The following NLN variants were observed in gnomAD, a reference collection of about 807,000 sequenced individuals.
The protein encoded by NLN is neurolysin, mitochondrial.
In NLN, 64 loss-of-function variants were observed where a neutral mutation model predicts 79.9. The ratio of observed to expected loss-of-function variants is 0.80; its 90% CI spans 0.65 to 0.99. The LOEUF is 0.99. Ranked by LOEUF, NLN falls within the 50% of genes least tolerant of loss-of-function variation. The pLI is 0.00. For missense variants in NLN, 835 were observed against 858.7 expected (o/e 0.97, Z 0.34); for synonymous variants, 267 against 296.6 (o/e 0.90, Z 1.02).
At chr5:65,730,505 G>A (rs900197151) in intron 1 of NLN, among the ~76,000 whole-genome samples, 9 of 151,774 alleles carry the variant, frequency 5.9e-5, no homozygotes, top group African/African-American at 2.2e-4. Context: ...AGATGAGACA[G>A]GGAAAAATTG....
intron 3 of NLN, among the ~76,000 whole-genome samples, chr5:65,776,062 G>A (rs1759672787): frequency 6.6e-6 from 1 of 152,140 alleles, no homozygotes; most frequent in African/African-American, 2.4e-5. Context: ...AGACCATCCT[G>A]GCCAACATGG....
intron 9 of NLN, among the ~76,000 whole-genome samples, chr5:65,803,683 G>A (rs931072467): frequency 6.6e-6 from 1 of 152,040 alleles, no homozygotes; most frequent in Non-Finnish European, 1.5e-5. Flanking sequence ...CTGTGCCCAG[G>A]AGGGTAGGGC....
chr5:65,808,623 C>T (rs1760475110), intron 9 of NLN, among the ~76,000 whole-genome samples: 1 of 152,212 alleles, frequency 6.6e-6, no homozygotes, highest in Admixed American at 6.5e-5. Context: ...ACGTCTGACT[C>T]AAGAATTTAC....
At chr5:65,785,297 C>T (rs1759893917) in intron 6 of NLN, among the ~76,000 whole-genome samples, 1 of 152,124 alleles carries the variant, frequency 6.6e-6, no homozygotes, top group African/African-American at 2.4e-5. Flanking sequence ...TGCAAGGGTT[C>T]CAATTTCTCC....
rs1224823883 is a variant in NLN at position 65,761,591 on chromosome 5, C to G, written c.302-1369C>G. 3.3e-5 allele frequency among the ~76,000 whole-genome samples: 5 copies of G among 152,260 alleles called. No homozygotes were observed. In the East Asian group the frequency reaches 9.6e-4, roughly 29 times the overall value. ...ATGAGCTTGAGCCACCGTTTTATAG[C>G]TAATTTTTAAAAGTAAACATATTGC... is the stretch of plus-strand genomic sequence containing the variant. On this transcript the variant is annotated intron_variant, in intron 2 of 12. Transcript: ENST00000380985.
chr5:65,790,404 A>C (rs1760029089), intron 8 of NLN, among the ~76,000 whole-genome samples: 1 of 152,226 alleles, frequency 6.6e-6, no homozygotes, highest in Non-Finnish European at 1.5e-5. Context: ...AAGAAGTTTA[A>C]TTGACTTACA....
chr5:65,813,753 C>T (rs1478303890), intron 12 of NLN, among the ~76,000 whole-genome samples: 1 of 151,986 alleles, frequency 6.6e-6, no homozygotes, highest in African/African-American at 2.4e-5. Context: ...ATAGCAAGAC[C>T]TCATCTCTAC....
chr5:65,764,130 T>G (rs1398940028), intron 3 of NLN, among the ~76,000 whole-genome samples: 1 of 152,192 alleles, frequency 6.6e-6, no homozygotes, highest in Admixed American at 6.5e-5. Context: ...TTTTTTTATG[T>G]AATTTGGAAT....
intron 3 of NLN, 130 bp downstream of exon 3, chr5:65,763,238 G>A: frequency 1.4e-6 from 1 of 719,226 alleles, no homozygotes; most frequent in Middle Eastern, 3.9e-4. Flanking sequence ...ACCATAATGG[G>A]CATTATATAG....
intron 2 of NLN, among the ~76,000 whole-genome samples, chr5:65,759,586 G>A (rs982019200): frequency 2.6e-5 from 4 of 152,126 alleles, no homozygotes; most frequent in East Asian, 1.9e-4. Flanking sequence ...GCTCCAGTCC[G>A]AAGGCCAGTA....
intron 3 of NLN, among the ~76,000 whole-genome samples, chr5:65,764,365 A>G (rs1320487543): frequency 6.6e-6 from 1 of 152,166 alleles, no homozygotes; most frequent in African/African-American, 2.4e-5. Context: ...CATTTCTACT[A>G]AAAATACAAA....
chr5:65,809,405 G>T, intron 9 of NLN, 110 bp from the exon 10 acceptor site: 1 of 836,114 alleles, frequency 1.2e-6, no homozygotes. Flanking sequence ...TCATTCAGAG[G>T]AACAGTTGAG....
At chr5:65,810,841 G>A (rs1760528799) in intron 11 of NLN, among the ~76,000 whole-genome samples, 2 of 152,066 alleles carry the variant, frequency 1.3e-5, no homozygotes, top group Admixed American at 6.6e-5. Context: ...AGCCAGGTGT[G>A]GTGGTGTATA....
At chr5:65,790,492 G>A (rs1760032816) in intron 8 of NLN, among the ~76,000 whole-genome samples, 1 of 152,180 alleles carries the variant, frequency 6.6e-6, no homozygotes, top group African/African-American at 2.4e-5. Flanking sequence ...TCTTCACGTG[G>A]CGGCAGGAAG....
Position 65,825,760 on chromosome 5 carries a change from C to T in NLN, c.*2845C>T, listed in dbSNP as rs1394683690. The T allele has an allele frequency of 6.6e-6, 1 of 152,112 alleles. No individual in the cohort carries two copies. The highest frequency in any genetic ancestry group is 1.5e-5 in the Non-Finnish European group (1 of 68,012). 9.4% of individuals were successfully genotyped at this position (152,112 alleles called of 1,614,324 possible). A position where few individuals can be genotyped will look rare whatever the true frequency, so the allele number is the denominator to read the frequency against. On this transcript the variant is annotated 3_prime_UTR_variant, in exon 13 of 13. Coordinates refer to ENST00000380985, the MANE Select transcript of NLN (RefSeq NM_020726.5). ...TTCAAAGAAAAATTACTGATATGATCATTGTACTTGTAAATGCCTTAAGTA... is the reference window on the plus strand; with the variant it reads ...TTCAAAGAAAAATTACTGATATGATTATTGTACTTGTAAATGCCTTAAGTA...
At position 65,822,881 on chromosome 5, in the gene NLN, C is replaced by T. The variant is rs769012222; in HGVS notation, c.2081C>T (p.Ala694Val). Residue 694 changes from alanine (A) to valine (V), a missense_variant, in exon 13 of 13, where the codon GCG (alanine) becomes GTG (valine). Coordinates refer to ENST00000380985, the MANE Select transcript of NLN (RefSeq NM_020726.5). ...NFLKREPNQK[A>V]FLMSRGLHAP ...TTGAAACGTGAGCCAAACCAAAAAG[C>T]GTTCCTAATGAGTAGAGGCCTGCAT... The T allele has an allele frequency of 1.5e-5, 24 of 1,613,160 alleles. No homozygotes were observed. In the East Asian group the frequency reaches 2.7e-4, roughly 18 times the overall value.
chr5:65,748,502 G>C (rs539461281), intron 1 of NLN, among the ~76,000 whole-genome samples: 10 of 152,046 alleles, frequency 6.6e-5, no homozygotes, highest in Non-Finnish European at 1.5e-4. Context: ...GCTCATGCCT[G>C]TAATCCCAGC....
At chr5:65,817,771 C>T (rs1036295289) in intron 12 of NLN, among the ~76,000 whole-genome samples, 1 of 152,024 alleles carries the variant, frequency 6.6e-6, no homozygotes, top group Non-Finnish European at 1.5e-5. Flanking sequence ...AAATAATAGC[C>T]ACAAAAACAT....
Position 65,818,379 on chromosome 5 carries a change from A to G in NLN, c.1981-4402A>G, listed in dbSNP as rs563390671. ...CTGACGGTTTTCTCCATCCGCTTCC[A>G]CTTCTCTACCCCCCCATACATACTC... On this transcript the variant is annotated intron_variant, in intron 12 of 12. Transcript: ENST00000380985. Among the ~76,000 whole-genome samples, 650 of 152,060 alleles carry G rather than the reference A, an allele frequency of 4.3e-3. 2 individuals are homozygous for G. Among genetic ancestry groups the G allele is most frequent in the Non-Finnish European group, 6.4e-3 (434 of 68,004 alleles).
Sources: gnomAD v4.1 joint callset for allele counts (sites outside exome capture counted in the v4.1 genomes callset) on GRCh38, gnomAD v4.1.1 for gene constraint, MANE v1.5 for transcripts, NCBI Gene and HGNC (gene_info 2026-07-23, HGNC 2026-07-21) for gene names.